Variants in SOX6 observed in about 807,000 individuals in gnomAD.
SOX6 encodes the protein SRY-box transcription factor 6.
In SOX6, 11 loss-of-function variants were observed where a neutral mutation model predicts 97.8. The observed-to-expected ratio is 0.11, with a 90% CI of 0.07 to 0.19. The LOEUF is 0.19. SOX6 is among the 10% of genes least tolerant of loss of function. The pLI, the probability that SOX6 is intolerant of heterozygous loss-of-function variation, is 1.00. For missense variants in SOX6, 810 were observed against 1,039.5 expected (o/e 0.78, Z 3.04); for synonymous variants, 360 against 371.4 (o/e 0.97, Z 0.35).
chr11:16,215,138 A>G (rs1489142206), intron 4 of SOX6, among the ~76,000 whole-genome samples: 2 of 152,156 alleles, frequency 1.3e-5, no homozygotes, highest in Non-Finnish European at 2.9e-5. Flanking sequence ...AATTCAAAAC[A>G]CTTGTCATTT....
At chr11:16,025,304 A>G (rs1855184240) in intron 12 of SOX6, among the ~76,000 whole-genome samples, 1 of 152,170 alleles carries the variant, frequency 6.6e-6, no homozygotes, top group Non-Finnish European at 1.5e-5. Flanking sequence ...ATATTCTCTG[A>G]TTAACCATTT....
intron 9 of SOX6, among the ~76,000 whole-genome samples, chr11:16,082,170 C>T (rs1848486525): frequency 6.6e-6 from 1 of 152,070 alleles, no homozygotes; most frequent in African/African-American, 2.4e-5. Context: ...TCTGGTTGGT[C>T]CTCTTCTGGA....
intron 4 of SOX6, among the ~76,000 whole-genome samples, chr11:16,544,688 A>C (rs1159539996): frequency 1.3e-5 from 2 of 152,200 alleles, no homozygotes; most frequent in Non-Finnish European, 2.9e-5. Context: ...TGGTGAGTTT[A>C]TGTTACGTGA....
intron 3 of SOX6, among the ~76,000 whole-genome samples, chr11:16,698,998 G>GA (rs1848073753): frequency 6.6e-6 from 1 of 152,226 alleles, no homozygotes; most frequent in Non-Finnish European, 1.5e-5. Flanking sequence ...TATATTGTTA[G>GA]AAAAATGGCA....
chr11:16,724,920 A>G (rs933028720), intron 2 of SOX6, among the ~76,000 whole-genome samples: 1 of 152,216 alleles, frequency 6.6e-6, no homozygotes, highest in African/African-American at 2.4e-5. Flanking sequence ...GTGGGAATGT[A>G]AAATGGTACA....
intron 6 of SOX6, among the ~76,000 whole-genome samples, chr11:16,131,058 A>G (rs1303530974): frequency 2.6e-5 from 4 of 151,952 alleles, no homozygotes; most frequent in Non-Finnish European, 4.4e-5. Context: ...TTAGGCAAAC[A>G]TTTAAAAACA....
At chr11:16,052,366 A>G (rs1264586855) in intron 10 of SOX6, among the ~76,000 whole-genome samples, 1 of 152,158 alleles carries the variant, frequency 6.6e-6, no homozygotes, top group Non-Finnish European at 1.5e-5. Flanking sequence ...ATTCTTACAT[A>G]TAAGAGGCAT....
At chr11:16,416,764 A>G (rs574340798) in intron 1 of SOX6, among the ~76,000 whole-genome samples, 79 of 152,310 alleles carry the variant, frequency 5.2e-4, no homozygotes, top group African/African-American at 1.9e-3. Flanking sequence ...ACTGTAATTG[A>G]CAAGAAACCA....
At chr11:16,712,039 C>T (rs889979558) in intron 3 of SOX6, among the ~76,000 whole-genome samples, 3 of 151,470 alleles carry the variant, frequency 2.0e-5, no homozygotes, top group Non-Finnish European at 4.4e-5. Context: ...ACTGCAAATG[C>T]TGTTAATTCA....
intron 4 of SOX6, among the ~76,000 whole-genome samples, chr11:16,495,712 T>C (rs1860583922): frequency 1.3e-5 from 2 of 152,154 alleles, no homozygotes; most frequent in South Asian, 4.2e-4. Flanking sequence ...CAAAGACCCT[T>C]CCACCCACTC....
At chr11:16,107,651 GTTA>G (rs1849129501) in intron 7 of SOX6, among the ~76,000 whole-genome samples, 1 of 151,720 alleles carries the variant, frequency 6.6e-6, no homozygotes, top group Non-Finnish European at 1.5e-5. Flanking sequence ...GATAGAGAGA[GTTA>G]TTATTTAATG....
chr11:16,210,668 A>G (rs980799546), intron 4 of SOX6, among the ~76,000 whole-genome samples: 3 of 152,170 alleles, frequency 2.0e-5, no homozygotes, highest in Non-Finnish European at 4.4e-5. Flanking sequence ...GAATAAAAGC[A>G]ACTACTCCAA....
chr11:16,310,538 TG>T (rs911929623), intron 3 of SOX6, among the ~76,000 whole-genome samples: 1 of 152,010 alleles, frequency 6.6e-6, no homozygotes, highest in African/African-American at 2.4e-5. Flanking sequence ...CAAATATTAT[TG>T]GGAGGAAAGA....
intron 4 of SOX6, among the ~76,000 whole-genome samples, chr11:16,518,952 G>T (rs1861015548): frequency 6.6e-6 from 1 of 152,128 alleles, no homozygotes; most frequent in Non-Finnish European, 1.5e-5. Flanking sequence ...CTGGAAAGAA[G>T]AGTAAATTTG....
At chr11:16,584,675 A>G (rs1397591344) in intron 4 of SOX6, among the ~76,000 whole-genome samples, 3 of 152,176 alleles carry the variant, frequency 2.0e-5, no homozygotes, top group Admixed American at 6.5e-5. Context: ...CTAGTGGTCG[A>G]GCCTATAATT....
intron 13 of SOX6, among the ~76,000 whole-genome samples, chr11:15,992,553 A>G (rs976099236): frequency 2.0e-5 from 3 of 152,180 alleles, no homozygotes; most frequent in African/African-American, 7.2e-5. Flanking sequence ...TAGAAAGTCA[A>G]TGAAAACAAC....
intron 3 of SOX6, among the ~76,000 whole-genome samples, chr11:16,622,296 T>G (rs1486037268): frequency 6.6e-6 from 1 of 152,322 alleles, no homozygotes. Context: ...AATAGGTTTT[T>G]GGGGAACAGG....
chr11:16,512,801 GT>G (rs900252581), intron 4 of SOX6, among the ~76,000 whole-genome samples: 63 of 152,262 alleles, frequency 4.1e-4, no homozygotes, highest in African/African-American at 1.4e-3. Flanking sequence ...AAAAACTCAA[GT>G]AAATAAATGC....
chr11:16,404,310 G>C (rs1858633532), intron 1 of SOX6, among the ~76,000 whole-genome samples: 1 of 151,770 alleles, frequency 6.6e-6, no homozygotes, highest in Non-Finnish European at 1.5e-5. Flanking sequence ...TCTCACTGTT[G>C]CACACTTTCT....
Sources: gnomAD v4.1 joint callset for allele counts (sites outside exome capture counted in the v4.1 genomes callset) on GRCh38, gnomAD v4.1.1 for gene constraint, MANE v1.5 for transcripts, NCBI Gene and HGNC (gene_info 2026-07-23, HGNC 2026-07-21) for gene names.